UBE3B: variants seen among roughly 807,000 people sequenced by gnomAD.
The protein encoded by UBE3B is ubiquitin-protein ligase E3B.
In UBE3B, 80 loss-of-function variants were observed where a neutral mutation model predicts 132.3. The observed-to-expected ratio is 0.60, with a 90% CI of 0.50 to 0.73. UBE3B has a LOEUF of 0.73. UBE3B is among the 30% of genes least tolerant of loss of function. UBE3B has a pLI of 0.00. For synonymous variants in UBE3B, 487 were observed against 520.4 expected (o/e 0.94, Z 0.87); for missense variants, 1,196 against 1,362.5 (o/e 0.88, Z 1.92).
At chr12:109,504,653 T>C (rs1289829900) in intron 14 of UBE3B, among the ~76,000 whole-genome samples, 1 of 151,908 alleles carries the variant, frequency 6.6e-6, no homozygotes, top group East Asian at 1.9e-4. Flanking sequence ...AGGGATGGAG[T>C]GTAAAGCCAT....
the UBE3B span, among the ~76,000 whole-genome samples, chr12:109,546,891 G>T: frequency 6.6e-6 from 1 of 152,076 alleles, no homozygotes; most frequent in Non-Finnish European, 1.5e-5. Context: ...TGTATTTTTT[G>T]TAAAGACAGA....
At chr12:109,512,816 G>A (rs572456973) in intron 18 of UBE3B, among the ~76,000 whole-genome samples, 1 of 152,238 alleles carries the variant, frequency 6.6e-6, no homozygotes, top group African/African-American at 2.4e-5. Flanking sequence ...AGGGCCTTAC[G>A]GCAATTACTT....
chr12:109,493,972 C>G (rs1467938386), intron 9 of UBE3B, among the ~76,000 whole-genome samples: 1 of 152,146 alleles, frequency 6.6e-6, no homozygotes, highest in African/African-American at 2.4e-5. Flanking sequence ...ACTACAGGCA[C>G]ATGCCCAGCT....
chr12:109,488,486 G>A (rs1876884118), intron 6 of UBE3B, 86 bp from the exon 7 acceptor site: 1 of 1,176,058 alleles, frequency 8.5e-7, no homozygotes, highest in African/African-American at 1.5e-5. Context: ...CAGGCTGAGT[G>A]CCCATAGAGC....
chr12:109,491,712 T>A (rs1253250852), intron 9 of UBE3B: 1 of 152,222 alleles, frequency 6.6e-6, no homozygotes, highest in Non-Finnish European at 1.5e-5. Context: ...AGGGGAACAC[T>A]AGCTTGGGGA....
downstream of UBE3B, among the ~76,000 whole-genome samples, chr12:109,538,645 G>T (rs1310760613): frequency 6.6e-6 from 1 of 152,194 alleles, no homozygotes; most frequent in Non-Finnish European, 1.5e-5. The surrounding 1 kb of genome is among the most constrained non-coding windows in gnomAD (Gnocchi z 4.1). Context: ...CATGACCCTG[G>T]AGATCAGGCT....
At chr12:109,547,728 A>G in the UBE3B span, among the ~76,000 whole-genome samples, 5 of 152,106 alleles carry the variant, frequency 3.3e-5, no homozygotes, top group Non-Finnish European at 7.4e-5. This position sits in a 1 kb window ranked among gnomAD's most constrained non-coding sequence, Gnocchi z 4.1. Context: ...AAACCCTATA[A>G]TAAGTCCTTG....
At chr12:109,533,230 G>A (rs191594782) in intron 26 of UBE3B, among the ~76,000 whole-genome samples, 7 of 152,292 alleles carry the variant, frequency 4.6e-5, no homozygotes, top group Non-Finnish European at 8.8e-5. Flanking sequence ...GTGGCCAGTC[G>A]CACCTATTGG....
chr12:109,509,571 G>T lies in UBE3B; in HGVS notation c.1623-25G>T, dbSNP rs904043510. The T allele has an allele frequency of 3.3e-6, 5 of 1,513,032 alleles. No homozygotes were observed. In the African/African-American group the frequency reaches 4.2e-5, roughly 13 times the overall value. 93.7% of individuals were successfully genotyped at this position (1,513,032 alleles called of 1,614,324 possible). A position where few individuals can be genotyped will look rare whatever the true frequency, so the allele number is the denominator to read the frequency against. ...CTTCGCCTTTTTTCAGTGTGGAATT[G>T]TGGGTAATTTTCTCTCTGATTTAGA... On this transcript the variant is annotated intron_variant, in intron 15 of 27. Coordinates refer to ENST00000342494, the MANE Select transcript of UBE3B (RefSeq NM_130466.4).
At chr12:109,497,713 C>G in intron 9 of UBE3B, 105 bp from the exon 10 acceptor site, 1 of 1,159,460 alleles carries the variant, frequency 8.6e-7, no homozygotes, top group African/African-American at 1.5e-5. Flanking sequence ...CTCAGAAATC[C>G]CACGCAGAAT....
Position 109,497,819 on chromosome 12 carries a change from C to G in UBE3B, c.715C>G (p.Pro239Ala). Residue 239 changes from proline to alanine, a missense_variant and splice_region_variant, in exon 10 of 28, where the codon CCT (proline) becomes GCT (alanine). Transcript: ENST00000342494. ...LTAAFSLALR[P>A]VIAAQFSDNL... is the part of the protein sequence containing the mutation. ...ATGAGTGGATCTATCTGTGTCTAGC[C>G]CTGTGATTGCTGCACAGTTCTCAGA... is the stretch of plus-strand genomic sequence containing the variant. The G allele has an allele frequency of 6.2e-7, 1 of 1,614,110 alleles. No homozygotes were observed. Among genetic ancestry groups the G allele is most frequent in the Non-Finnish European group, 8.5e-7 (1 of 1,180,030 alleles).
At chr12:109,530,806 T>G (rs1566116036) in intron 26 of UBE3B, 148 bp downstream of exon 26, 1 of 756,722 alleles carries the variant, frequency 1.3e-6, no homozygotes, top group African/African-American at 1.8e-5. Context: ...GGCCTCCCGG[T>G]AGGCCAAGCA....
At chr12:109,520,743 A>ATTTTTT (rs35964882) in intron 19 of UBE3B, 1 of 148,530 alleles carries the variant, frequency 6.7e-6, no homozygotes. Flanking sequence ...TGTAGGTTTG[A>ATTTTTT]TTTTTTTTTT....
Position 109,508,679 on chromosome 12 carries a change from G to T in UBE3B, c.1623-917G>T, listed in dbSNP as rs191147864. 1.4e-5 allele frequency: 14 copies of T among 985,624 alleles called. No individual in the cohort carries two copies. The Admixed American group carries it at 3.7e-4, about 26-fold the overall frequency. The allele number at this position is 985,624 out of a possible 1,614,324, so 61.1% of individuals were successfully genotyped here. A position where few individuals can be genotyped will look rare whatever the true frequency, so the allele number is the denominator to read the frequency against. On this transcript the variant is annotated intron_variant, in intron 15 of 27. Coordinates refer to ENST00000342494, the MANE Select transcript of UBE3B (RefSeq NM_130466.4). ...TGAGCAGTTGGAGGCAAGAGCAGGG[G>T]TCTAGCTGCTGGTGAAGACATCCTT...
rs774069161 is a variant in UBE3B at position 109,511,191 on chromosome 12, C to CT, written c.1857-10dup. The CT allele has an allele frequency of 1.2e-6, 2 of 1,613,140 alleles. No individual in the cohort carries two copies. The highest frequency in any genetic ancestry group is 3.3e-5 in the Admixed American group (2 of 59,932). ...TCTTTTAATTCTCCCAAACCCATGTCTTTCTTCTCAAGGGATCTCAAACCT... is the reference window on the plus strand; with the variant it reads ...TCTTTTAATTCTCCCAAACCCATGTCTTTTCTTCTCAAGGGATCTCAAACCT... On this transcript the variant is annotated splice_polypyrimidine_tract_variant and intron_variant, in intron 17 of 27. Transcript: ENST00000342494.
intron 1 of UBE3B, among the ~76,000 whole-genome samples, chr12:109,480,825 CA>C (rs1251196653): frequency 6.6e-6 from 1 of 152,038 alleles, no homozygotes; most frequent in Non-Finnish European, 1.5e-5. Context: ...AAATTTCCCG[CA>C]ATTTCAGTAC....
downstream of UBE3B, among the ~76,000 whole-genome samples, chr12:109,537,917 G>T (rs966869029): frequency 1.3e-5 from 2 of 152,214 alleles, no homozygotes; most frequent in East Asian, 3.9e-4. Context: ...TGTTAGCCAG[G>T]ATGGTCTTGA....
chr12:109,534,321 T>C lies in UBE3B; in HGVS notation c.3016-270T>C. The C allele has an allele frequency of 2.1e-6, 3 of 1,402,340 alleles. No individual in the cohort carries two copies. The highest frequency in any genetic ancestry group is 2.8e-6 in the Non-Finnish European group (3 of 1,082,680). The allele number at this position is 1,402,340 out of a possible 1,614,324, so 86.9% of individuals were successfully genotyped here. On this transcript the variant is annotated intron_variant, in intron 27 of 27. Coordinates refer to ENST00000342494, the MANE Select transcript of UBE3B (RefSeq NM_130466.4). The surrounding 1 kb of genome is among the most constrained non-coding windows in gnomAD (Gnocchi z 5.2). ...TTTTGTCAATTGGTTAACCAGTAAT[T>C]CGCTGTGAACCGGAAGGCCCCATTT...
intron 18 of UBE3B, among the ~76,000 whole-genome samples, chr12:109,516,369 G>T (rs1331629084): frequency 6.6e-6 from 1 of 151,834 alleles, no homozygotes; most frequent in Non-Finnish European, 1.5e-5. Context: ...TAGAGACGAG[G>T]TTTCACCATG....
Sources: allele counts gnomAD v4.1 joint callset (sites outside exome capture counted in the v4.1 genomes callset), GRCh38; gene constraint gnomAD v4.1.1; non-coding constraint Gnocchi (gnomAD v3.1); transcripts MANE v1.5; gene names NCBI Gene and HGNC (gene_info 2026-07-23, HGNC 2026-07-21).